Variants in HIVEP1 observed in about 807,000 individuals in gnomAD.
HIVEP1 encodes the protein HIVEP zinc finger 1, also known as zinc finger protein 40.
A neutral mutation model predicts 180.0 loss-of-function variants in HIVEP1; 36 were observed. The ratio of observed to expected loss-of-function variants is 0.20; its 90% CI spans 0.15 to 0.26. The LOEUF is 0.26. HIVEP1 is among the 10% of genes least tolerant of loss of function. The pLI is 1.00. For missense variants in HIVEP1, 3,143 were observed against 3,268.7 expected (o/e 0.96, Z 0.94); for synonymous variants, 1,239 against 1,239.0 (o/e 1.00, Z 0.00).
At chr6:12,149,917 G>A (rs895932853) in intron 7 of HIVEP1, among the ~76,000 whole-genome samples, 2 of 152,150 alleles carry the variant, frequency 1.3e-5, no homozygotes, top group African/African-American at 2.4e-5. Context: ...AGCAGGCTGC[G>A]CGGTACCTGT....
chr6:12,016,160 CTG>C (rs1269822227), intron 2 of HIVEP1, among the ~76,000 whole-genome samples: 4 of 152,160 alleles, frequency 2.6e-5, no homozygotes, highest in Non-Finnish European at 4.4e-5. Flanking sequence ...CAGAGGCAAA[CTG>C]AGTTATTTTC....
At chr6:12,068,756 T>A (rs1031632784) in intron 2 of HIVEP1, among the ~76,000 whole-genome samples, 1 of 152,218 alleles carries the variant, frequency 6.6e-6, no homozygotes, top group Middle Eastern at 3.2e-3. Context: ...TATTTGGCTG[T>A]CCATATTTAC....
intron 2 of HIVEP1, among the ~76,000 whole-genome samples, chr6:12,049,130 C>T (rs1770326607): frequency 6.6e-6 from 1 of 152,170 alleles, no homozygotes; most frequent in Non-Finnish European, 1.5e-5. Context: ...ATAACCAGAA[C>T]ATTTATTATG....
intron 2 of HIVEP1, among the ~76,000 whole-genome samples, chr6:12,067,178 T>G (rs1227710292): frequency 6.6e-6 from 1 of 152,136 alleles, no homozygotes; most frequent in East Asian, 1.9e-4. Flanking sequence ...AAAAACTAAC[T>G]TTTAAATAAT....
chr6:12,177,672 TGACA>T, the HIVEP1 span, among the ~76,000 whole-genome samples: 1 of 152,212 alleles, frequency 6.6e-6, no homozygotes, highest in African/African-American at 2.4e-5. Flanking sequence ...AGATAATAAC[TGACA>T]ATCAAATGTC....
At chr6:12,173,827 G>A in the HIVEP1 span, among the ~76,000 whole-genome samples, 1 of 152,150 alleles carries the variant, frequency 6.6e-6, no homozygotes, top group Non-Finnish European at 1.5e-5. Context: ...CATGATAGGT[G>A]AAAGACATCA....
At chr6:12,096,371 A>G (rs1415544702) in intron 3 of HIVEP1, among the ~76,000 whole-genome samples, 1 of 152,046 alleles carries the variant, frequency 6.6e-6, no homozygotes, top group African/African-American at 2.4e-5. Context: ...GCCCTGAAAT[A>G]TGCTTCTCTT....
chr6:12,050,199 G>A (rs575654192), intron 2 of HIVEP1, among the ~76,000 whole-genome samples: 2 of 152,332 alleles, frequency 1.3e-5, no homozygotes, highest in East Asian at 1.9e-4. Context: ...AATTGGGACT[G>A]TTCCACATGC....
downstream of HIVEP1, among the ~76,000 whole-genome samples, chr6:12,168,144 ATT>A (rs1385686400): frequency 1.6e-5 from 2 of 124,394 alleles, 1 homozygote; most frequent in African/African-American, 6.7e-5. Flanking sequence ...GTATATCTAT[ATT>A]ATATATACAG....
At chr6:12,107,269 GA>G (rs1482239158) in intron 3 of HIVEP1, among the ~76,000 whole-genome samples, 1 of 152,234 alleles carries the variant, frequency 6.6e-6, no homozygotes, top group East Asian at 1.9e-4. Context: ...TAAGTGTGCA[GA>G]TGAGCATTGG....
intron 3 of HIVEP1, among the ~76,000 whole-genome samples, chr6:12,104,394 G>A (rs1422737205): frequency 2.9e-5 from 2 of 69,182 alleles, no homozygotes; most frequent in African/African-American, 5.3e-5. Context: ...CTCTCTCTTC[G>A]TTTCTCTCTC....
At chr6:12,034,716 C>T (rs917406607) in intron 2 of HIVEP1, among the ~76,000 whole-genome samples, 1 of 152,150 alleles carries the variant, frequency 6.6e-6, no homozygotes, top group Non-Finnish European at 1.5e-5. Flanking sequence ...GTCCCAGTTT[C>T]GTAAAACCTA....
the HIVEP1 span, among the ~76,000 whole-genome samples, chr6:12,202,714 CAT>C: frequency 6.6e-6 from 1 of 152,162 alleles, no homozygotes; most frequent in East Asian, 1.9e-4. Flanking sequence ...AATTTAAAAA[CAT>C]ATTCCAAGGA....
chr6:12,088,188 G>A (rs1773226860), intron 2 of HIVEP1, among the ~76,000 whole-genome samples: 1 of 152,122 alleles, frequency 6.6e-6, no homozygotes, highest in African/African-American at 2.4e-5. Flanking sequence ...CCATATTGGA[G>A]GTTACATCTT....
intron 2 of HIVEP1, among the ~76,000 whole-genome samples, chr6:12,032,202 G>A (rs1172630735): frequency 5.4e-5 from 8 of 148,496 alleles, no homozygotes; most frequent in Non-Finnish European, 1.2e-4. Context: ...GTGTAGTGGC[G>A]CGATTTCGGC....
downstream of HIVEP1, chr6:12,165,233 TA>T (rs1323707308): frequency 2.4e-6 from 1 of 424,182 alleles, no homozygotes; most frequent in African/African-American, 2.1e-5. Context: ...GAAGACTAAA[TA>T]TATAAGAATA....
At chr6:12,115,347 A>ATTTT (rs1775145972) in intron 3 of HIVEP1, among the ~76,000 whole-genome samples, 9 of 73,446 alleles carry the variant, frequency 1.2e-4, no homozygotes, top group African/African-American at 2.7e-4. Context: ...TTCCCCAACT[A>ATTTT]TTCTTTTTTT....
chr6:12,124,557 G>C lies in HIVEP1; in HGVS notation c.4762G>C (p.Asp1588His). ...TTCTTTGCCAAATCAAGTTATTTCA[G>C]ATCCAGTTGGAACAGATCATTGTGT... ...VHSLPNQVIS[D>H]PVGTDHCVTS... Residue 1588 changes from aspartate (D) to histidine (H), a missense_variant, in exon 4 of 9, where the codon GAT becomes CAT. By Grantham distance (81) the Asp-to-His change is moderately conservative. Around this residue, in one of 12 missense-constraint regions of HIVEP1, gnomAD observed 1,357 missense variants for 1,260.5 expected, o/e 1.08. Coordinates refer to ENST00000379388, the MANE Select transcript of HIVEP1 (RefSeq NM_002114.4). 3 of 1,614,010 alleles carry C rather than the reference G, an allele frequency of 1.9e-6. No homozygotes were observed. The highest frequency in any genetic ancestry group is 2.5e-6 in the Non-Finnish European group (3 of 1,179,990).
chr6:12,181,962 G>T, the HIVEP1 span, among the ~76,000 whole-genome samples: 3 of 152,106 alleles, frequency 2.0e-5, no homozygotes, highest in Non-Finnish European at 2.9e-5. Context: ...GATCAGAGCC[G>T]AGATATGGAA....
Sources: allele counts gnomAD v4.1 joint callset (sites outside exome capture counted in the v4.1 genomes callset), GRCh38; gene constraint gnomAD v4.1.1; regional missense constraint gnomAD v4.1.1; transcripts MANE v1.5; gene names NCBI Gene and HGNC (gene_info 2026-07-23, HGNC 2026-07-21).